HERC1: variants seen among roughly 807,000 people sequenced by gnomAD.
HERC1 encodes HECT and RLD domain containing E3 ubiquitin protein ligase family member 1.
Under a neutral mutation model 554.3 loss-of-function variants are expected in HERC1, and 160 were observed. That is an observed-to-expected ratio of 0.29 (90% CI 0.25 to 0.33). The LOEUF is 0.33. HERC1 is among the 10% of genes least tolerant of loss of function. HERC1 has a pLI of 1.00. For synonymous variants in HERC1, 2,175 were observed against 2,131.7 expected, an observed-to-expected ratio of 1.02 and a Z score of -0.56; for missense variants, 4,919 against 5,918.5, an observed-to-expected ratio of 0.83 and a Z score of 5.54.
Position 63,669,640 on chromosome 15 carries a change from G to C in HERC1, c.8104C>G (p.Pro2702Ala). The C allele has an allele frequency of 6.2e-7, 1 of 1,613,906 alleles. No homozygotes were observed. The highest frequency in any genetic ancestry group is 8.5e-7 in the Non-Finnish European group (1 of 1,179,774). ...GAGGTTGGTAACGAAGATATTGGAGGAGTCTGTGCCCGACGTGTGGGAAGT... is the reference window on the plus strand; with the variant it reads ...GAGGTTGGTAACGAAGATATTGGAGCAGTCTGTGCCCGACGTGTGGGAAGT... ...TVLPTRRAQTPPISSLPTSPS... is the reference protein window; with the variant it reads ...TVLPTRRAQTAPISSLPTSPS... Residue 2702 changes from proline (P) to alanine (A), a missense_variant, in exon 40 of 78, where the codon CCT (proline) becomes GCT (alanine). Physicochemically the swap from Pro to Ala is conservative, Grantham distance 27 (BLOSUM62 -1). Transcript: ENST00000443617.
At chr15:63,622,728 C>A (rs2068137582) in intron 74 of HERC1, 87 bp downstream of exon 74, 3 of 991,868 alleles carry the variant, frequency 3.0e-6, no homozygotes, top group Non-Finnish European at 4.4e-6. Context: ...GCACTTAAAA[C>A]AGGACCTGGT....
chr15:63,723,732 C>A (rs1371421339), intron 18 of HERC1, among the ~76,000 whole-genome samples: 2 of 152,166 alleles, frequency 1.3e-5, no homozygotes, highest in Non-Finnish European at 2.9e-5. Context: ...GGAATGATAT[C>A]CTCTTTGAGA....
intron 18 of HERC1, among the ~76,000 whole-genome samples, chr15:63,723,786 A>C (rs899405766): frequency 6.6e-6 from 1 of 152,172 alleles, no homozygotes; most frequent in Non-Finnish European, 1.5e-5. Context: ...TTTTTAATAG[A>C]CTTAAGTAAA....
Position 63,694,824 on chromosome 15 carries a change from T to A in HERC1, c.5192A>T (p.Gln1731Leu), listed in dbSNP as rs767049597. The A allele has an allele frequency of 6.2e-7, 1 of 1,613,868 alleles. No homozygotes were observed. The highest frequency in any genetic ancestry group is 8.5e-7 in the Non-Finnish European group (1 of 1,179,798). Residue 1731 changes from glutamine (Q) to leucine (L), a missense_variant, in exon 28 of 78, where the codon CAG (glutamine) becomes CTG (leucine). Physicochemically the swap from Gln to Leu is moderately radical, Grantham distance 113 (BLOSUM62 -2). Around this residue, in one of 11 missense-constraint regions of HERC1, gnomAD observed 1,121 missense variants for 1,244.0 expected, o/e 0.90. Coordinates refer to ENST00000443617, the MANE Select transcript of HERC1 (RefSeq NM_003922.4). This position sits in a 1 kb window ranked among gnomAD's most constrained non-coding sequence, Gnocchi z 4.3. ...IQVAVHKIYQ[Q>L]LSATLERALQ... ...GGCTCTTTCCAGGGTAGCAGACAAC[T>A]GTTGATAAATTTTATGCACAGCTAC...
At chr15:63,744,164 G>GTGTGTGTGTCTCTCTC in intron 12 of HERC1, among the ~76,000 whole-genome samples, 2 of 46,220 alleles carry the variant, frequency 4.3e-5, no homozygotes, top group South Asian at 6.3e-4. Context: ...GTGTGTGTGT[G>GTGTGTGTGTCTCTCTC]TCTCTCTCTC....
chr15:63,624,257 G>T lies in HERC1; in HGVS notation c.13346C>A (p.Pro4449Gln). ...VQGQLRPLLA[P>Q]RVYTLPMVRS... ...CACCATTGGCAGAGTGTAGACTCTT[G>T]GGGCTAACAAAGGCCGAAGTTGTCC... is the stretch of plus-strand genomic sequence containing the variant. Residue 4449 changes from proline (P) to glutamine (Q), a missense_variant, in exon 72 of 78, where the codon CCA (proline) becomes CAA (glutamine). By Grantham distance (76) the Pro-to-Gln change is moderately conservative. Transcript: ENST00000443617. 1 of 1,613,854 alleles carries T rather than the reference G, an allele frequency of 6.2e-7. No individual in the cohort carries two copies. The highest frequency in any genetic ancestry group is 8.5e-7 in the Non-Finnish European group (1 of 1,179,752).
chr15:63,824,552 A>G (rs2077820162), intron 1 of HERC1, among the ~76,000 whole-genome samples: 1 of 143,524 alleles, frequency 7.0e-6, no homozygotes, highest in Non-Finnish European at 1.5e-5. Flanking sequence ...AAAAAAAATT[A>G]AAAAGAAAAC....
intron 74 of HERC1, among the ~76,000 whole-genome samples, chr15:63,617,512 G>A (rs1432987939): frequency 6.6e-6 from 1 of 152,100 alleles, no homozygotes; most frequent in Non-Finnish European, 1.5e-5. Flanking sequence ...ATAATCCTTT[G>A]GGTATATACC....
In HERC1 at chr15:63,713,371, C is replaced by A. The variant is rs762309385; in HGVS notation, c.4445G>T (p.Gly1482Val). The A allele has an allele frequency of 8.1e-6, 13 of 1,613,862 alleles. No individual in the cohort carries two copies. Among genetic ancestry groups the A allele is most frequent in the South Asian group, 1.1e-5 (1 of 91,070 alleles). Reference protein sequence around the residue: ...LQQPSTSASEGGGLMTRSESL... With the variant: ...LQQPSTSASEVGGLMTRSESL... ...GTCCCACCTGGTCATAAGTCCACCC[C>A]CTTCAGAGGCACTTGTTGAAGGTTG... Residue 1482 changes from glycine (G) to valine (V), a missense_variant, in exon 23 of 78, where the codon GGG becomes GTG. Physicochemically the swap from Gly to Val is moderately radical, Grantham distance 109. Around this residue, in one of 11 missense-constraint regions of HERC1, gnomAD observed 1,121 missense variants for 1,244.0 expected, o/e 0.90. Transcript: ENST00000443617.
intron 1 of HERC1, among the ~76,000 whole-genome samples, chr15:63,782,578 A>C (rs1046750802): frequency 6.6e-6 from 1 of 152,260 alleles, no homozygotes; most frequent in African/African-American, 2.4e-5. Flanking sequence ...TGTTGTGTTC[A>C]TGCCTACTAA....
intron 25 of HERC1, 93 bp from the exon 26 acceptor site, chr15:63,699,089 A>C: frequency 9.0e-7 from 1 of 1,116,788 alleles, no homozygotes; most frequent in Non-Finnish European, 1.3e-6. Flanking sequence ...ACCATAACCA[A>C]CTGGTGAAAA....
At position 63,628,646 on chromosome 15, in the gene HERC1, G is replaced by T. The variant is rs558147223; in HGVS notation, c.13105+31C>A. ...CATGGGGTACTGCTAAAAAAGAAACGCTGCAGGAGCATGAATATTTCATTC... is the reference window on the plus strand; with the variant it reads ...CATGGGGTACTGCTAAAAAAGAAACTCTGCAGGAGCATGAATATTTCATTC... On this transcript the variant is annotated intron_variant, in intron 70 of 77. Coordinates refer to ENST00000443617, the MANE Select transcript of HERC1 (RefSeq NM_003922.4). The T allele has an allele frequency of 5.1e-6, 8 of 1,579,722 alleles. No homozygotes were observed. The African/African-American group carries it at 9.5e-5, about 19-fold the overall frequency.
chr15:63,673,089 G>C (rs930475059), intron 38 of HERC1, among the ~76,000 whole-genome samples: 2 of 151,850 alleles, frequency 1.3e-5, no homozygotes, highest in Non-Finnish European at 2.9e-5. Flanking sequence ...TCTACAAATA[G>C]GCAAAGATAA....
intron 1 of HERC1, among the ~76,000 whole-genome samples, chr15:63,816,635 T>C (rs2197260): frequency 0.026 from 3,932 of 152,342 alleles, 127 homozygotes; most frequent in Admixed American, 0.11. Flanking sequence ...TTAAATAAAG[T>C]GTATTTATTC....
At chr15:63,814,412 T>A (rs2077426407) in intron 1 of HERC1, among the ~76,000 whole-genome samples, 1 of 151,320 alleles carries the variant, frequency 6.6e-6, no homozygotes, top group Non-Finnish European at 1.5e-5. Flanking sequence ...ACTAAGGCAA[T>A]GTGATTTAGT....
rs766725063 is a variant in HERC1 at position 63,612,564 on chromosome 15, C to G, written c.14095-8G>C. On this transcript the variant is annotated splice_polypyrimidine_tract_variant and splice_region_variant and intron_variant, in intron 76 of 77. Transcript: ENST00000443617. The surrounding 1 kb of genome is among the most constrained non-coding windows in gnomAD (Gnocchi z 5.0). ...TTCTCGGACTGCAGCCACCTGCTCC[C>G]GGGAGAGGTTGCTCATTCAATGAGT... 6.2e-6 allele frequency: 10 copies of G among 1,609,556 alleles called. No homozygotes were observed. In the African/African-American group the frequency reaches 1.3e-4, roughly 21 times the overall value.
chr15:63,819,126 C>T (rs1229348905), intron 1 of HERC1, among the ~76,000 whole-genome samples: 2 of 152,152 alleles, frequency 1.3e-5, no homozygotes, highest in African/African-American at 4.8e-5. Context: ...TACCATATAA[C>T]ATAGAAGACC....
At chr15:63,786,292 A>G (rs552968436) in intron 1 of HERC1, among the ~76,000 whole-genome samples, 381 of 150,758 alleles carry the variant, frequency 2.5e-3, no homozygotes, top group African/African-American at 4.4e-3. Context: ...AAAAAAAAAA[A>G]AAGAAGAAGA....
At position 63,645,089 on chromosome 15, in the gene HERC1, T is replaced by G. The variant is rs1381161053; in HGVS notation, c.11087A>C (p.Gln3696Pro). 2 of 1,613,448 alleles carry G rather than the reference T, an allele frequency of 1.2e-6. No homozygotes were observed. The highest frequency in any genetic ancestry group is 1.7e-6 in the Non-Finnish European group (2 of 1,179,572). Reference sequence around the variant, plus strand: ...GCGCCAAACACATACTAAGCCACTCTGACAGCCACTTAAAAAAATTGATCA... The same window carrying G: ...GCGCCAAACACATACTAAGCCACTCGGACAGCCACTTAAAAAAATTGATCA... ...KLQLLMATGC[Q>P]SGLVCVWRIP... Residue 3696 changes from glutamine to proline, a missense_variant, in exon 57 of 78, where the codon CAG becomes CCG. This residue lies in a region of HERC1 where 1,963 missense variants were observed against 2,228.6 expected (regional missense o/e 0.88). Coordinates refer to ENST00000443617, the MANE Select transcript of HERC1 (RefSeq NM_003922.4).
Sources: gnomAD v4.1 joint callset for allele counts (sites outside exome capture counted in the v4.1 genomes callset) on GRCh38, gnomAD v4.1.1 for gene constraint, gnomAD v4.1.1 regional missense constraint, Gnocchi (gnomAD v3.1) non-coding constraint, MANE v1.5 for transcripts, NCBI Gene and HGNC (gene_info 2026-07-23, HGNC 2026-07-21) for gene names.